The following NUP160 variants were observed in gnomAD, a reference collection of about 807,000 sequenced individuals.
NUP160 encodes nuclear pore complex protein Nup160.
A neutral mutation model predicts 196.9 loss-of-function variants in NUP160; 94 were observed. The observed-to-expected ratio is 0.48, with a 90% CI of 0.40 to 0.57. NUP160 has a LOEUF of 0.57. Among genes scored for constraint, NUP160 ranks in the 20% least tolerant of loss-of-function variants. NUP160 has a pLI of 0.00. For synonymous variants in NUP160, 605 were observed against 619.7 expected (o/e 0.98, Z 0.35); for missense variants, 1,638 against 1,748.3 (o/e 0.94, Z 1.13).
exon 1 of NUP160, chr11:47,848,235 G>A (rs1852441008): frequency 6.2e-7 from 1 of 1,614,064 alleles, no homozygotes; most frequent in African/African-American, 1.3e-5. Flanking sequence ...TGCAGACTGT[G>A]AATTCCCGAA....
In NUP160 at chr11:47,826,931, G is replaced by A. The variant is rs548977413; in HGVS notation, c.1102-4767C>T. The A allele has an allele frequency of 1.1e-4, 46 of 419,854 alleles. 2 individuals are homozygous for A. The highest frequency in any genetic ancestry group is 7.7e-4 in the South Asian group (45 of 58,634). 26.0% of individuals were successfully genotyped at this position (419,854 alleles called of 1,614,324 possible). ...CTTTGTTGATATTTGCATCAATGAT[G>A]CAAAATCAGTGGTGGGTAAAATTAC... On this transcript the variant is annotated intron_variant, in intron 7 of 35. Coordinates refer to ENST00000378460, the Ensembl canonical transcript of NUP160.
chr11:47,780,349 G>T, exon 35 of NUP160: 1 of 1,610,378 alleles, frequency 6.2e-7, no homozygotes, highest in Non-Finnish European at 8.5e-7. Context: ...TTACTGCGAT[G>T]TTGTGACTGT....
chr11:47,815,590 T>A (rs1016365291), exon 13 of NUP160: 1 of 1,612,836 alleles, frequency 6.2e-7, no homozygotes, highest in African/African-American at 1.3e-5. Context: ...ACCAGAATTC[T>A]TGTTGTAAAT....
exon 23 of NUP160, chr11:47,801,850 C>T (rs1449294950): frequency 1.2e-6 from 2 of 1,613,908 alleles, no homozygotes; most frequent in Admixed American, 3.3e-5. Flanking sequence ...ACACGATCTC[C>T]CCATCCTCTG....
intron 7 of NUP160, among the ~76,000 whole-genome samples, chr11:47,832,796 G>GT (rs1316631397): frequency 6.6e-6 from 1 of 152,174 alleles, no homozygotes; most frequent in Non-Finnish European, 1.5e-5. Flanking sequence ...TAAATCAGCT[G>GT]TATGTATTGG....
At chr11:47,795,790 A>C (rs2097670541) in intron 27 of NUP160, among the ~76,000 whole-genome samples, 1 of 152,146 alleles carries the variant, frequency 6.6e-6, no homozygotes, top group Non-Finnish European at 1.5e-5. Flanking sequence ...GCCTAAAGAC[A>C]TCGCACAACT....
At chr11:47,799,821 C>T (rs1030378592) in intron 23 of NUP160, among the ~76,000 whole-genome samples, 6 of 152,172 alleles carry the variant, frequency 3.9e-5, no homozygotes, top group African/African-American at 1.4e-4. Context: ...GTTGGGATTA[C>T]AGGCGTGAGC....
Position 47,813,002 on chromosome 11 carries a change from C to T in NUP160, c.1832G>A (p.Arg611Gln), listed in dbSNP as rs756941369. 1.3e-5 allele frequency: 21 copies of T among 1,612,336 alleles called. No homozygotes were observed. The highest frequency in any genetic ancestry group is 8.3e-5 in the Admixed American group (5 of 59,940). Residue 611 changes from arginine to glutamine, a missense_variant, in exon 15 of 36, where the codon CGG becomes CAG. Coordinates refer to ENST00000378460, the Ensembl canonical transcript of NUP160. ...CACAGTTACTGACTCTTCAATCAGCCGGAGGCATTTTATAAGACATATGAC... is the reference window on the plus strand; with the variant it reads ...CACAGTTACTGACTCTTCAATCAGCTGGAGGCATTTTATAAGACATATGAC...
In NUP160 at chr11:47,801,945, TATAAAATGACTTGTAACAGATC is replaced by T. The variant is rs1387404087; in HGVS notation, c.2776-37_2776-16del. ...CATTCCAGAGCCTGGAGAAATAAAA[TATAAAATGACTTGTAACAGATC>T]ATTCAAATTCTAGGTGCTATGAATC... On this transcript the variant is annotated splice_polypyrimidine_tract_variant and intron_variant, in intron 22 of 35. Coordinates refer to ENST00000378460, the Ensembl canonical transcript of NUP160. 6 of 1,613,070 alleles carry T rather than the reference TATAAAATGACTTGTAACAGATC, an allele frequency of 3.7e-6. No individual in the cohort carries two copies. The highest frequency in any genetic ancestry group is 5.1e-6 in the Non-Finnish European group (6 of 1,179,432).
At chr11:47,790,416 C>T (rs1242536293) in intron 29 of NUP160, among the ~76,000 whole-genome samples, 3 of 152,100 alleles carry the variant, frequency 2.0e-5, no homozygotes, top group Non-Finnish European at 4.4e-5. Flanking sequence ...CCCGCCACCA[C>T]ACCCAGCTGA....
In NUP160 at chr11:47,837,612, C is replaced by T. The variant is rs773213341; in HGVS notation, c.760G>A (p.Val254Ile). ...ACTGAACTCTGTTTCAGTTCCACGA[C>T]TGACACCATACCTGCAATGATATCC... Residue 254 changes from valine to isoleucine, a missense_variant, in exon 5 of 36, where the codon GTC becomes ATC. Physicochemically the swap from Val to Ile is conservative, Grantham distance 29 (BLOSUM62 3). Transcript: ENST00000378460. 6 of 1,613,940 alleles carry T rather than the reference C, an allele frequency of 3.7e-6. No homozygotes were observed. The East Asian group carries it at 8.9e-5, about 24-fold the overall frequency.
intron 22 of NUP160, among the ~76,000 whole-genome samples, chr11:47,802,977 C>A (rs899951841): frequency 2.0e-5 from 3 of 152,054 alleles, no homozygotes; most frequent in South Asian, 2.1e-4. Context: ...CAGAGCAAGA[C>A]CCTGTCTAAA....
chr11:47,818,849 ACT>A, intron 10 of NUP160, among the ~76,000 whole-genome samples: 1 of 151,946 alleles, frequency 6.6e-6, no homozygotes, highest in Admixed American at 6.6e-5. Context: ...CCACCAATAA[ACT>A]CTTGGGATTA....
intron 7 of NUP160, among the ~76,000 whole-genome samples, chr11:47,828,599 T>C (rs966111596): frequency 1.5e-5 from 1 of 67,648 alleles, no homozygotes; most frequent in African/African-American, 3.3e-5. Flanking sequence ...CTAAAACTCA[T>C]ATGGAATTGA....
intron 11 of NUP160, 25 bp downstream of exon 11, chr11:47,818,031 C>G: frequency 6.7e-7 from 1 of 1,485,008 alleles, no homozygotes; most frequent in African/African-American, 1.4e-5. Flanking sequence ...TAGTCTTAAA[C>G]AAACAGTAAA....
intron 17 of NUP160, among the ~76,000 whole-genome samples, chr11:47,808,776 G>A (rs1300895152): frequency 1.3e-5 from 2 of 152,024 alleles, no homozygotes; most frequent in African/African-American, 4.8e-5. Context: ...ACAATAAAAA[G>A]CTTAACTTTC....
chr11:47,807,962 G>A (rs2097678752), intron 18 of NUP160, among the ~76,000 whole-genome samples: 1 of 152,150 alleles, frequency 6.6e-6, no homozygotes, highest in Non-Finnish European at 1.5e-5. Context: ...AATCTTAATG[G>A]CATATAATTT....
intron 7 of NUP160, among the ~76,000 whole-genome samples, chr11:47,834,482 G>T (rs564715065): frequency 6.6e-6 from 1 of 152,270 alleles, no homozygotes; most frequent in East Asian, 1.9e-4. Context: ...TTGATAGCAT[G>T]ATACTTTTGG....
chr11:47,778,917 G>C, exon 36 of NUP160: 1 of 510,218 alleles, frequency 2.0e-6, no homozygotes, highest in Admixed American at 3.6e-5. Context: ...CAGAAATTGT[G>C]TTAGCACCAC....
Sources: allele counts gnomAD v4.1 joint callset (sites outside exome capture counted in the v4.1 genomes callset), GRCh38; gene constraint gnomAD v4.1.1; transcripts MANE v1.5; gene names NCBI Gene and HGNC (gene_info 2026-07-23, HGNC 2026-07-21).